The following MRPL48 variants were observed in gnomAD, a reference collection of about 807,000 sequenced individuals.
MRPL48 encodes the protein large ribosomal subunit protein mL48.
In MRPL48, 16 loss-of-function variants were observed where a neutral mutation model predicts 32.9. The observed-to-expected ratio is 0.49, with a 90% CI of 0.33 to 0.74. The LOEUF is 0.74. MRPL48 is among the 30% of genes least tolerant of loss of function. MRPL48 has a pLI of 0.02. For missense variants in MRPL48, 206 were observed against 245.3 expected, an observed-to-expected ratio of 0.84 and a Z score of 1.07; for synonymous variants, 94 against 89.2, an observed-to-expected ratio of 1.05 and a Z score of -0.31.
At chr11:73,812,322 C>T (rs189626418) in intron 3 of MRPL48, among the ~76,000 whole-genome samples, 75 of 152,032 alleles carry the variant, frequency 4.9e-4, no homozygotes, top group African/African-American at 1.8e-3. Flanking sequence ...ACATTTAGGT[C>T]GTTTTTAGTT....
chr11:73,819,420 T>C (rs1204019671), intron 3 of MRPL48, among the ~76,000 whole-genome samples: 2 of 152,230 alleles, frequency 1.3e-5, no homozygotes, highest in Admixed American at 1.3e-4. Context: ...TACTTAAAGA[T>C]GGTGATTGAC....
chr11:73,863,699 T>C (rs1320746858), intron 7 of MRPL48, among the ~76,000 whole-genome samples: 1 of 152,248 alleles, frequency 6.6e-6, no homozygotes, highest in African/African-American at 2.4e-5. Flanking sequence ...GTCAATAGAA[T>C]GTTTGGTCAG....
intron 3 of MRPL48, among the ~76,000 whole-genome samples, chr11:73,808,795 C>T (rs1360910729): frequency 6.6e-6 from 1 of 152,006 alleles, no homozygotes; most frequent in African/African-American, 2.4e-5. Flanking sequence ...TGGTGGCAGG[C>T]GCCTGTAATC....
intron 6 of MRPL48, among the ~76,000 whole-genome samples, chr11:73,860,838 A>G (rs11235932): frequency 0.21 from 32,168 of 152,096 alleles, 3,645 homozygotes; most frequent in South Asian, 0.42. Flanking sequence ...CTCACCCTAA[A>G]AGAAACCGTG....
chr11:73,805,722 G>C (rs1208180709), intron 2 of MRPL48, among the ~76,000 whole-genome samples: 1 of 147,766 alleles, frequency 6.8e-6, no homozygotes, highest in Non-Finnish European at 1.5e-5. Context: ...GCAGTGGCAT[G>C]ATCACAGCTC....
chr11:73,858,033 A>G (rs1449046461), intron 5 of MRPL48, among the ~76,000 whole-genome samples: 1 of 152,246 alleles, frequency 6.6e-6, no homozygotes, highest in Non-Finnish European at 1.5e-5. Context: ...GGAATGGACA[A>G]TTCCCACTTT....
intron 4 of MRPL48, among the ~76,000 whole-genome samples, chr11:73,831,837 G>C (rs1948000425): frequency 6.8e-6 from 1 of 147,046 alleles, no homozygotes; most frequent in African/African-American, 2.5e-5. Context: ...CTACTTGGGA[G>C]ACTGAGGCGG....
intron 4 of MRPL48, among the ~76,000 whole-genome samples, chr11:73,829,199 A>G (rs1317980049): frequency 2.0e-5 from 3 of 152,158 alleles, no homozygotes; most frequent in African/African-American, 4.8e-5. Context: ...AAGGCTCACA[A>G]GCTGTTCTGT....
At chr11:73,826,270 T>G (rs1204601607) in intron 4 of MRPL48, among the ~76,000 whole-genome samples, 1 of 152,088 alleles carries the variant, frequency 6.6e-6, no homozygotes, top group African/African-American at 2.4e-5. Context: ...TCCTCCTGCT[T>G]CAGCCTCCGG....
chr11:73,799,158 A>G (rs1238178766), intron 1 of MRPL48, among the ~76,000 whole-genome samples: 1 of 152,044 alleles, frequency 6.6e-6, no homozygotes, highest in East Asian at 1.9e-4. Flanking sequence ...TTTGGAATGT[A>G]GAGCCTGGGC....
At chr11:73,861,670 A>G (rs1210530375) in intron 6 of MRPL48, among the ~76,000 whole-genome samples, 1 of 152,124 alleles carries the variant, frequency 6.6e-6, no homozygotes, top group African/African-American at 2.4e-5. Context: ...TGCCCGGCCA[A>G]TGGAGCTAGT....
chr11:73,795,549 C>T (rs1947239615), intron 1 of MRPL48, among the ~76,000 whole-genome samples: 1 of 151,858 alleles, frequency 6.6e-6, no homozygotes, highest in South Asian at 2.1e-4. Flanking sequence ...CTCTGTCACC[C>T]AGGCTGGAGT....
chr11:73,795,570 G>A (rs1449247074), intron 1 of MRPL48, among the ~76,000 whole-genome samples: 6 of 151,010 alleles, frequency 4.0e-5, no homozygotes, highest in South Asian at 2.1e-4. Context: ...ACAGTGGCGC[G>A]ATCTCCGCTC....
At chr11:73,827,085 A>G (rs1250851485) in intron 4 of MRPL48, among the ~76,000 whole-genome samples, 4 of 150,670 alleles carry the variant, frequency 2.7e-5, no homozygotes, top group African/African-American at 9.8e-5. Context: ...CTCTTATTGT[A>G]TTTTCAAATC....
intron 4 of MRPL48, among the ~76,000 whole-genome samples, chr11:73,827,484 T>TG (rs1202034616): frequency 6.6e-6 from 1 of 152,236 alleles, no homozygotes; most frequent in East Asian, 1.9e-4. Flanking sequence ...CCCATTTCTT[T>TG]GGCTCCAGTT....
intron 1 of MRPL48, among the ~76,000 whole-genome samples, chr11:73,796,420 G>A (rs71479550): frequency 0.036 from 5,539 of 152,296 alleles, 149 homozygotes; most frequent in Middle Eastern, 0.071. Context: ...ACACACATTC[G>A]GGGCAGTGCT....
intron 1 of MRPL48, among the ~76,000 whole-genome samples, chr11:73,793,888 G>A (rs535213548): frequency 9.5e-5 from 13 of 137,556 alleles, no homozygotes; most frequent in African/African-American, 3.2e-4. Context: ...CCCTTTTTCT[G>A]GAGAACAGGG....
At chr11:73,794,503 C>T (rs1947213546) in intron 1 of MRPL48, among the ~76,000 whole-genome samples, 1 of 149,374 alleles carries the variant, frequency 6.7e-6, no homozygotes, top group Non-Finnish European at 1.5e-5. Context: ...TGCAGTGAGC[C>T]GAGATCGTGT....
At chr11:73,790,883 T>G (rs1947139131) in intron 1 of MRPL48, among the ~76,000 whole-genome samples, 1 of 143,906 alleles carries the variant, frequency 6.9e-6, no homozygotes, top group South Asian at 2.3e-4. Flanking sequence ...TTCTGTTCTT[T>G]TTTTTTTTTT....
Sources: allele counts gnomAD v4.1 joint callset (sites outside exome capture counted in the v4.1 genomes callset), GRCh38; gene constraint gnomAD v4.1.1; transcripts MANE v1.5; gene names NCBI Gene and HGNC (gene_info 2026-07-23, HGNC 2026-07-21).